The following MACROD2 variants were observed in gnomAD, a reference collection of about 807,000 sequenced individuals.
MACROD2 encodes mono-ADP ribosylhydrolase 2, also known as ADP-ribose glycohydrolase MACROD2.
In MACROD2, 36 loss-of-function variants were observed where a neutral mutation model predicts 70.4. The ratio of observed to expected loss-of-function variants is 0.51; its 90% CI spans 0.39 to 0.68. The LOEUF (loss-of-function observed/expected upper bound fraction) is 0.68. Among genes scored for constraint, MACROD2 ranks in the 30% least tolerant of loss-of-function variants. The pLI is 0.00. For missense variants in MACROD2, 496 were observed against 538.4 expected (o/e 0.92, Z 0.78); for synonymous variants, 172 against 178.8 (o/e 0.96, Z 0.30).
intron 6 of MACROD2, among the ~76,000 whole-genome samples, chr20:15,361,378 C>T (rs1422264197): frequency 1.3e-5 from 2 of 152,170 alleles, no homozygotes; most frequent in Non-Finnish European, 2.9e-5. Flanking sequence ...GTTGGCCATA[C>T]ATGTATGGAT....
At chr20:15,194,132 G>A (rs149556550) in intron 5 of MACROD2, among the ~76,000 whole-genome samples, 1,935 of 149,252 alleles carry the variant, frequency 0.013, 37 homozygotes, top group African/African-American at 0.044. Context: ...TGTAATCCCT[G>A]CTACTTGGGA....
chr20:15,408,901 C>T (rs10485525), intron 6 of MACROD2, among the ~76,000 whole-genome samples: 12,720 of 152,212 alleles, frequency 0.084, 584 homozygotes, highest in Non-Finnish European at 0.11. Context: ...TCAAGGTAAG[C>T]TCTTTGGTTT....
intron 4 of MACROD2, among the ~76,000 whole-genome samples, chr20:14,545,722 T>C (rs1452941622): frequency 6.6e-6 from 1 of 152,214 alleles, no homozygotes; most frequent in Non-Finnish European, 1.5e-5. Flanking sequence ...GGGAAAACAC[T>C]ATTAATTTGA....
chr20:14,291,039 A>G (rs1445949047), intron 3 of MACROD2, among the ~76,000 whole-genome samples: 2 of 152,362 alleles, frequency 1.3e-5, no homozygotes, highest in Non-Finnish European at 1.5e-5. Context: ...ATGAGTTGCT[A>G]TTCTCTTAAT....
At chr20:14,970,729 C>A (rs1184884109) in intron 5 of MACROD2, among the ~76,000 whole-genome samples, 2 of 152,132 alleles carry the variant, frequency 1.3e-5, no homozygotes, top group Non-Finnish European at 2.9e-5. Context: ...TGGCTCACTG[C>A]ATCCTTAACC....
chr20:14,797,383 C>T lies in MACROD2; in HGVS notation c.418+112424C>T, dbSNP rs984952492. Among the ~76,000 whole-genome samples the T allele has an allele frequency of 5.3e-5, 8 of 152,130 alleles. No homozygotes were observed. In the South Asian group the frequency reaches 1.2e-3, roughly 24 times the overall value. On this transcript the variant is annotated intron_variant, in intron 5 of 17. Transcript: ENST00000684519. ...TCTACCAAGCTTGCATGATCTGGCT[C>T]CTGCAGTTCTCTCCTGGCTCACCTT...
chr20:14,087,929 CTT>C (rs1475198565), intron 3 of MACROD2, among the ~76,000 whole-genome samples: 5 of 151,670 alleles, frequency 3.3e-5, no homozygotes, highest in Non-Finnish European at 5.9e-5. Flanking sequence ...CACATATAAT[CTT>C]TTATATATAT....
intron 8 of MACROD2, among the ~76,000 whole-genome samples, chr20:15,653,731 A>G (rs777886702): frequency 6.6e-6 from 1 of 152,078 alleles, no homozygotes; most frequent in Non-Finnish European, 1.5e-5. Flanking sequence ...TTACCAGTGC[A>G]CTGGGTTGTT....
chr20:14,087,778 T>C (rs1317815038), intron 3 of MACROD2, among the ~76,000 whole-genome samples: 1 of 152,186 alleles, frequency 6.6e-6, no homozygotes, highest in Non-Finnish European at 1.5e-5. Context: ...AAGATATCAC[T>C]ATAGCTAGTA....
At chr20:15,489,524 G>C (rs1169537942) in intron 7 of MACROD2, among the ~76,000 whole-genome samples, 6 of 152,096 alleles carry the variant, frequency 3.9e-5, no homozygotes, top group Non-Finnish European at 7.4e-5. Context: ...AGATTCCTTG[G>C]GCCCCACACA....
At chr20:15,034,699 G>A (rs1236839983) in intron 5 of MACROD2, among the ~76,000 whole-genome samples, 1 of 152,042 alleles carries the variant, frequency 6.6e-6, no homozygotes, top group African/African-American at 2.4e-5. Flanking sequence ...ATACTCATAG[G>A]CACATAATTA....
chr20:14,485,632 C>T (rs1038542002), intron 3 of MACROD2, among the ~76,000 whole-genome samples: 31 of 105,424 alleles, frequency 2.9e-4, no homozygotes, highest in South Asian at 8.5e-4. Context: ...ACCCAGGAGG[C>T]GGAGCTTGCA....
chr20:14,011,345 A>C (rs958547201), intron 2 of MACROD2, among the ~76,000 whole-genome samples: 3 of 152,120 alleles, frequency 2.0e-5, no homozygotes, highest in Admixed American at 6.5e-5. Flanking sequence ...CTTATAAATG[A>C]GGGCAACTTT....
intron 5 of MACROD2, among the ~76,000 whole-genome samples, chr20:14,813,260 A>C (rs371617948): frequency 4.1e-4 from 62 of 151,952 alleles, no homozygotes; most frequent in African/African-American, 1.1e-3. Context: ...AATGTGGGCC[A>C]TGGTGTTTAA....
At chr20:14,421,034 GAAGTC>G (rs1568604334) in intron 3 of MACROD2, among the ~76,000 whole-genome samples, 1 of 152,180 alleles carries the variant, frequency 6.6e-6, no homozygotes, top group Non-Finnish European at 1.5e-5. Context: ...ACATTCTGAT[GAAGTC>G]AAGTTTATCT....
intron 5 of MACROD2, among the ~76,000 whole-genome samples, chr20:14,802,284 G>C (rs2072586194): frequency 6.6e-6 from 1 of 152,074 alleles, no homozygotes; most frequent in Non-Finnish European, 1.5e-5. Flanking sequence ...AAAAATTGGA[G>C]TGAAGAAACT....
intron 5 of MACROD2, among the ~76,000 whole-genome samples, chr20:15,104,068 C>T (rs1348892170): frequency 2.6e-5 from 4 of 152,026 alleles, no homozygotes; most frequent in Admixed American, 6.6e-5. Context: ...AGAAATGGAC[C>T]TACTCATGTT....
intron 8 of MACROD2, among the ~76,000 whole-genome samples, chr20:15,830,651 A>G (rs150893636): frequency 4.6e-5 from 7 of 152,350 alleles, no homozygotes; most frequent in African/African-American, 1.4e-4. Flanking sequence ...AGCTTGTAGA[A>G]TAAAAGAAAT....
intron 5 of MACROD2, among the ~76,000 whole-genome samples, chr20:14,940,692 A>G (rs1344334124): frequency 1.3e-5 from 2 of 152,068 alleles, no homozygotes; most frequent in Non-Finnish European, 2.9e-5. Flanking sequence ...GTGATATATC[A>G]TGTTTATTGA....
Sources: gnomAD v4.1 joint callset for allele counts (sites outside exome capture counted in the v4.1 genomes callset) on GRCh38, gnomAD v4.1.1 for gene constraint, MANE v1.5 for transcripts, NCBI Gene and HGNC (gene_info 2026-07-23, HGNC 2026-07-21) for gene names.